Variants in ASPRV1 observed in about 807,000 individuals in gnomAD.
ASPRV1 encodes aspartic peptidase retroviral like 1.
ASPRV1 carries 7 observed loss-of-function variants against 11.0 expected under a neutral mutation model. The observed-to-expected ratio is 0.64, with a 90% CI of 0.36 to 1.20. The LOEUF is 1.20. Among genes scored for constraint, ASPRV1 ranks in the 50% most tolerant of loss-of-function variants. The probability of loss-of-function intolerance (pLI) is 0.02; values close to 1 mark genes in which losing one functional copy is unlikely to be tolerated. For synonymous variants in ASPRV1, 136 were observed against 138.4 expected, an observed-to-expected ratio of 0.98 and a Z score of 0.12; for missense variants, 299 against 320.0, an observed-to-expected ratio of 0.93 and a Z score of 0.50.
the ASPRV1 span, chr2:70,018,073 G>C: frequency 6.6e-6 from 1 of 151,976 alleles, no homozygotes. Context: ...CCAGGAGGCG[G>C]AGGTTGCAGT....
the ASPRV1 span, among the ~76,000 whole-genome samples, chr2:70,040,769 G>A: frequency 4.7e-5 from 7 of 150,496 alleles, no homozygotes; most frequent in Admixed American, 3.3e-4. Context: ...GGGAGGCAGA[G>A]GTTTCAGTGA....
At chr2:69,978,714 C>T in the ASPRV1 span, among the ~76,000 whole-genome samples, 14 of 152,162 alleles carry the variant, frequency 9.2e-5, no homozygotes, top group African/African-American at 2.9e-4. Flanking sequence ...CCCCGAACAC[C>T]GGAAGCAAAC....
chr2:70,020,351 C>T, the ASPRV1 span, among the ~76,000 whole-genome samples: 1 of 152,114 alleles, frequency 6.6e-6, no homozygotes, highest in African/African-American at 2.4e-5. Flanking sequence ...AAATGTCTAT[C>T]AGTGATGAAT....
chr2:70,033,273 G>GAA, the ASPRV1 span, among the ~76,000 whole-genome samples: 8 of 99,372 alleles, frequency 8.1e-5, no homozygotes, highest in South Asian at 9.5e-4. Context: ...TTATCAAACA[G>GAA]AAAACACACA....
the ASPRV1 span, among the ~76,000 whole-genome samples, chr2:70,037,647 T>C: frequency 6.6e-6 from 1 of 152,154 alleles, no homozygotes; most frequent in African/African-American, 2.4e-5. Context: ...TTTTTTCCTA[T>C]TAACGTGTAA....
the ASPRV1 span, chr2:70,081,636 T>G: frequency 1.8e-4 from 28 of 152,136 alleles, no homozygotes; most frequent in African/African-American, 6.3e-4. Flanking sequence ...CGGACTGAAG[T>G]GCAGTGACGC....
chr2:69,993,923 T>C, the ASPRV1 span: 2 of 152,270 alleles, frequency 1.3e-5, no homozygotes, highest in Non-Finnish European at 1.5e-5. Flanking sequence ...ACAGCACTCC[T>C]GTTAGGACAG....
chr2:70,070,901 T>C, the ASPRV1 span: 1 of 152,328 alleles, frequency 6.6e-6, no homozygotes, highest in African/African-American at 2.4e-5. Context: ...ACAAAAACCT[T>C]TTAATGAGTT....
chr2:70,007,983 G>A, the ASPRV1 span, among the ~76,000 whole-genome samples: 1 of 151,920 alleles, frequency 6.6e-6, no homozygotes, highest in Non-Finnish European at 1.5e-5. Context: ...CTACAGGTAC[G>A]CTCCATCACG....
At chr2:69,995,517 A>G in the ASPRV1 span, 2 of 152,178 alleles carry the variant, frequency 1.3e-5, no homozygotes, top group African/African-American at 4.8e-5. Context: ...CAGTGGTTAC[A>G]CTCACATCCA....
At chr2:70,046,980 CATA>C in the ASPRV1 span, among the ~76,000 whole-genome samples, 2 of 152,206 alleles carry the variant, frequency 1.3e-5, no homozygotes, top group African/African-American at 4.8e-5. Context: ...GTATGAGGGA[CATA>C]ATAATTTTTC....
the ASPRV1 span, chr2:69,942,009 C>T: frequency 2.0e-5 from 3 of 152,178 alleles, no homozygotes; most frequent in African/African-American, 7.2e-5. Context: ...TCATGAACCA[C>T]ACAGGAGACT....
chr2:70,039,303 T>C, the ASPRV1 span, among the ~76,000 whole-genome samples: 1 of 152,206 alleles, frequency 6.6e-6, no homozygotes, highest in African/African-American at 2.4e-5. Flanking sequence ...TCTGTATCAT[T>C]GTGGATGGAA....
the ASPRV1 span, among the ~76,000 whole-genome samples, chr2:70,064,797 A>G: frequency 2.0e-5 from 3 of 152,226 alleles, no homozygotes; most frequent in Non-Finnish European, 4.4e-5. Context: ...AACAATGAAT[A>G]AAACAAACAA....
At chr2:69,949,229 C>A in the ASPRV1 span, among the ~76,000 whole-genome samples, 2 of 151,882 alleles carry the variant, frequency 1.3e-5, no homozygotes, top group African/African-American at 2.4e-5. Context: ...GTGTGCTCAG[C>A]GATGGCCACT....
chr2:69,998,543 G>A, the ASPRV1 span, among the ~76,000 whole-genome samples: 22 of 152,022 alleles, frequency 1.4e-4, no homozygotes, highest in Non-Finnish European at 1.2e-4. Context: ...TCGAGACCAC[G>A]GTGAAACCCC....
the ASPRV1 span, among the ~76,000 whole-genome samples, chr2:70,041,845 A>G: frequency 1.3e-5 from 2 of 152,358 alleles, no homozygotes; most frequent in African/African-American, 4.8e-5. Flanking sequence ...TCAAAGTGGA[A>G]GAAAGAATGC....
chr2:69,987,646 A>C, the ASPRV1 span, among the ~76,000 whole-genome samples: 1 of 151,574 alleles, frequency 6.6e-6, no homozygotes, highest in Non-Finnish European at 1.5e-5. Flanking sequence ...GCTACTTGGG[A>C]GGCTGAGGTG....
chr2:70,013,604 T>C, the ASPRV1 span, among the ~76,000 whole-genome samples: 1 of 152,336 alleles, frequency 6.6e-6, no homozygotes, highest in African/African-American at 2.4e-5. Context: ...ATAAAAAGTA[T>C]GTTGGCCTGG....
Sources: allele counts gnomAD v4.1 joint callset (sites outside exome capture counted in the v4.1 genomes callset), GRCh38; gene constraint gnomAD v4.1.1; transcripts MANE v1.5; gene names NCBI Gene and HGNC (gene_info 2026-07-23, HGNC 2026-07-21).